NDUFB6: variants seen among roughly 807,000 people sequenced by gnomAD.
The protein encoded by NDUFB6 is NADH dehydrogenase [ubiquinone] 1 beta subcomplex subunit 6.
NDUFB6 carries 23 observed loss-of-function variants against 17.5 expected under a neutral mutation model. The observed-to-expected ratio is 1.31, with a 90% CI of 0.94 to 1.86. The LOEUF (loss-of-function observed/expected upper bound fraction) is 1.86. NDUFB6 is among the 40% of genes most tolerant of loss of function. NDUFB6 has a pLI of 0.00. For missense variants in NDUFB6, 167 were observed against 153.8 expected (o/e 1.09, Z -0.46); for synonymous variants, 60 against 53.5 (o/e 1.12, Z -0.53).
At chr9:32,554,015 T>C (rs905202897) in intron 3 of NDUFB6, 71 bp from the exon 4 acceptor site, 18 of 963,016 alleles carry the variant, frequency 1.9e-5, no homozygotes, top group Non-Finnish European at 2.5e-5. Context: ...TTCTGTTCTA[T>C]GTTCATCAGA....
intron 3 of NDUFB6, among the ~76,000 whole-genome samples, 199 bp from the exon 4 acceptor site, chr9:32,554,143 T>C (rs970656433): frequency 3.3e-5 from 5 of 152,164 alleles, no homozygotes; most frequent in African/African-American, 4.8e-5. Context: ...AGTGAAATAA[T>C]AGGGAAATTT....
chr9:32,559,848 A>G (rs909411566), intron 2 of NDUFB6, among the ~76,000 whole-genome samples: 3 of 152,172 alleles, frequency 2.0e-5, no homozygotes, highest in Non-Finnish European at 4.4e-5. Context: ...GAGGGACTCA[A>G]TCTGCTCTGT....
intron 2 of NDUFB6, among the ~76,000 whole-genome samples, chr9:32,563,580 T>A (rs557328353): frequency 2.4e-4 from 36 of 149,198 alleles, no homozygotes; most frequent in African/African-American, 8.2e-4. Flanking sequence ...CACCTCAGCC[T>A]CCCAAAGTGT....
intron 3 of NDUFB6, among the ~76,000 whole-genome samples, chr9:32,554,966 T>C (rs973824099): frequency 2.6e-5 from 4 of 152,176 alleles, no homozygotes; most frequent in Admixed American, 1.3e-4. Context: ...CTTGGGATCC[T>C]TGGATGCCTT....
chr9:32,571,295 CAAGGCA>C (rs1821935100), intron 1 of NDUFB6, among the ~76,000 whole-genome samples: 2 of 60,142 alleles, frequency 3.3e-5, no homozygotes, highest in Non-Finnish European at 9.9e-5. Context: ...AAGACTATAA[CAAGGCA>C]TTTATAGATT....
chr9:32,567,804 C>A (rs1233984271), intron 2 of NDUFB6: 3 of 282,080 alleles, frequency 1.1e-5, no homozygotes, highest in Non-Finnish European at 2.2e-5. Context: ...CCCCACCTCT[C>A]TCCCTCTCCT....
chr9:32,559,949 T>C (rs1821581268), intron 2 of NDUFB6, among the ~76,000 whole-genome samples: 1 of 152,190 alleles, frequency 6.6e-6, no homozygotes. Flanking sequence ...TTTATGCATA[T>C]ACATCTGCAC....
At chr9:32,572,775 G>A in intron 1 of NDUFB6, 106 bp downstream of exon 1, 1 of 1,082,394 alleles carries the variant, frequency 9.2e-7, no homozygotes, top group East Asian at 2.6e-5. Context: ...CCAGAGCACT[G>A]AGCGTTATCA....
intron 2 of NDUFB6, chr9:32,566,879 G>C: frequency 1.6e-6 from 1 of 635,802 alleles, no homozygotes; most frequent in Non-Finnish European, 2.8e-6. Flanking sequence ...CACGCGTGCG[G>C]CTGGCGAAAA....
intron 1 of NDUFB6, 37 bp downstream of exon 1, chr9:32,572,844 G>C: frequency 6.7e-7 from 1 of 1,501,222 alleles, no homozygotes; most frequent in Non-Finnish European, 8.9e-7. Flanking sequence ...GCAGCAGTGG[G>C]ATGTGTTGGG....
At chr9:32,555,269 C>T (rs1821425717) in intron 3 of NDUFB6, among the ~76,000 whole-genome samples, 1 of 152,080 alleles carries the variant, frequency 6.6e-6, no homozygotes, top group African/African-American at 2.4e-5. Flanking sequence ...AAAATCAGGA[C>T]CTTGTGGTAT....
rs1821797500 is a variant in NDUFB6 at position 32,566,594 on chromosome 9, G to C, written c.273+4366C>G. On this transcript the variant is annotated intron_variant, in intron 2 of 3. Transcript: ENST00000379847. ...GGAGCTTCTGGCACATGGAGCGGAG[G>C]ACCCGCAGGAATTCCTCCTGAGCCT... 6.4e-6 allele frequency: 5 copies of C among 784,972 alleles called. No homozygotes were observed. The South Asian group carries it at 6.7e-5, about 11-fold the overall frequency. The allele number at this position is 784,972 out of a possible 1,614,324, so 48.6% of individuals were successfully genotyped here.
At position 32,553,567 on chromosome 9, in the gene NDUFB6, C is replaced by A. The variant is rs1821365183; in HGVS notation, c.*309G>T. 2 of 285,324 alleles carry A rather than the reference C, an allele frequency of 7.0e-6. No individual in the cohort carries two copies. Among genetic ancestry groups the A allele is most frequent in the Non-Finnish European group, 1.3e-5 (2 of 150,376 alleles). 17.7% of individuals were successfully genotyped at this position (285,324 alleles called of 1,614,324 possible). ...TATTGTGATATTTCACTGTTGCATACCCTGATACCAAATTAGTGTAAGTAC... is the reference window on the plus strand; with the variant it reads ...TATTGTGATATTTCACTGTTGCATAACCTGATACCAAATTAGTGTAAGTAC... On this transcript the variant is annotated 3_prime_UTR_variant, in exon 4 of 4. Coordinates refer to ENST00000379847, the MANE Select transcript of NDUFB6 (RefSeq NM_002493.5).
intron 2 of NDUFB6, chr9:32,566,459 A>G (rs1821792453): frequency 1.2e-6 from 1 of 811,972 alleles, no homozygotes; most frequent in Non-Finnish European, 2.2e-6. Flanking sequence ...CTTGACAAGC[A>G]GCCGTCCATG....
rs1821368668 is a variant in NDUFB6 at position 32,553,647 on chromosome 9, CCAAGT to C, written c.*224_*228del. The C allele has an allele frequency of 2.1e-6, 1 of 484,398 alleles. No homozygotes were observed. The highest frequency in any genetic ancestry group is 3.7e-6 in the Non-Finnish European group (1 of 271,844). The allele number at this position is 484,398 out of a possible 1,614,324, so 30.0% of individuals were successfully genotyped here. Reference sequence around the variant, plus strand: ...ACTAAATACTTTTCCATACCGTTTTCCAAGTCAAGAATGACCAGAAAAAGTAGGTA... The same window carrying C: ...ACTAAATACTTTTCCATACCGTTTTCCAAGAATGACCAGAAAAAGTAGGTA... On this transcript the variant is annotated 3_prime_UTR_variant, in exon 4 of 4. Coordinates refer to ENST00000379847, the MANE Select transcript of NDUFB6 (RefSeq NM_002493.5).
intron 2 of NDUFB6, among the ~76,000 whole-genome samples, chr9:32,561,182 G>A (rs1821614786): frequency 1.3e-5 from 2 of 152,016 alleles, no homozygotes; most frequent in Non-Finnish European, 1.5e-5. Flanking sequence ...AGTTTGTGTT[G>A]GTTTGTAATG....
At chr9:32,564,543 T>C (rs2119021635) in intron 2 of NDUFB6, among the ~76,000 whole-genome samples, 1 of 152,146 alleles carries the variant, frequency 6.6e-6, no homozygotes, top group East Asian at 1.9e-4. Context: ...TAACATGTCA[T>C]TAAATAAATG....
chr9:32,572,190 G>A (rs1052020921), intron 1 of NDUFB6, among the ~76,000 whole-genome samples: 8 of 152,196 alleles, frequency 5.3e-5, no homozygotes, highest in African/African-American at 1.9e-4. Context: ...TCATCAGTAA[G>A]TGTTGCAGGT....
intron 2 of NDUFB6, chr9:32,568,748 A>ATATATATATATATATATTTTTTTTTTT (rs1213123923): frequency 8.7e-6 from 1 of 114,398 alleles, no homozygotes; most frequent in African/African-American, 3.9e-5. Flanking sequence ...ATATATATAT[A>ATATATATATATATATATTTTTTTTTTT]TTTTTTTTTT....
Sources: gnomAD v4.1 joint callset for allele counts (sites outside exome capture counted in the v4.1 genomes callset) on GRCh38, gnomAD v4.1.1 for gene constraint, MANE v1.5 for transcripts, NCBI Gene and HGNC (gene_info 2026-07-23, HGNC 2026-07-21) for gene names.